The following C11orf21 variants were observed in gnomAD, a reference collection of about 807,000 sequenced individuals.
The protein encoded by C11orf21 is chromosome 11 open reading frame 21.
C11orf21 carries 19 observed loss-of-function variants against 15.2 expected under a neutral mutation model. The observed-to-expected ratio is 1.25, with a 90% confidence interval of 0.87 to 1.84. The LOEUF (loss-of-function observed/expected upper bound fraction) is 1.84, where lower values mean the gene tolerates loss of function less well. Ranked by LOEUF, C11orf21 falls within the 40% of genes most tolerant of loss-of-function variation. C11orf21 has a pLI of 0.00. For missense variants in C11orf21, 171 were observed against 174.4 expected (o/e 0.98, Z 0.11); for synonymous variants, 62 against 66.8 (o/e 0.93, Z 0.35).
chr11:2,297,318 G>C lies in C11orf21; in HGVS notation c.*632C>G, dbSNP rs907305432. 6.5e-6 allele frequency: 1 copy of C among 152,754 alleles called. No homozygotes were observed. Among genetic ancestry groups the C allele is most frequent in the Non-Finnish European group, 1.5e-5 (1 of 68,392 alleles). 9.5% of individuals were successfully genotyped at this position (152,754 alleles called of 1,614,324 possible). ...CCCTGTCCCACCTCCCACCTGCACGGCCTCCAGCATTGCCCAAATTCACTG... is the reference window on the plus strand; with the variant it reads ...CCCTGTCCCACCTCCCACCTGCACGCCCTCCAGCATTGCCCAAATTCACTG... On this transcript the variant is annotated 3_prime_UTR_variant, in exon 4 of 4. Coordinates refer to ENST00000381153, the MANE Select transcript of C11orf21 (RefSeq NM_001329958.2).
intron 3 of C11orf21, among the ~76,000 whole-genome samples, 160 bp from the exon 4 acceptor site, chr11:2,298,081 G>A (rs1468680911): frequency 1.3e-5 from 2 of 152,150 alleles, no homozygotes; most frequent in African/African-American, 4.8e-5. Flanking sequence ...TGCGGGGCAG[G>A]GCTTCAACCT....
chr11:2,301,687 A>G, intron 1 of C11orf21, 69 bp downstream of exon 1: 1 of 1,309,856 alleles, frequency 7.6e-7, no homozygotes, highest in Non-Finnish European at 1.0e-6. Context: ...GACCCCATCC[A>G]AATTCCTCCA....
chr11:2,302,771 T>C, upstream of C11orf21: 1 of 1,294,020 alleles, frequency 7.7e-7, no homozygotes, highest in Middle Eastern at 1.8e-4. Flanking sequence ...GCCCCAACCC[T>C]GCCCGCTGGG....
rs1482208869 is a variant in C11orf21 at position 2,299,480 on chromosome 11, C to T, written c.375G>A (p.Arg125=). 3 of 1,550,316 alleles carry T rather than the reference C, an allele frequency of 1.9e-6. No homozygotes were observed. In the African/African-American group the frequency reaches 4.1e-5, roughly 21 times the overall value. The stretch of plus-strand genomic sequence containing the variant: ...CTCAGGAAGGTAGAGGCTGCCACCT[C>T]CTGGCCCGAGGACACAGCTTTCCAG... The part of the protein sequence containing the change: ...PSSGKLCPRA[R]RWQPLPS The change falls in exon 3 of 4, where the codon AGG becomes AGA. Residue 125 remains arginine (R), a synonymous_variant. Coordinates refer to ENST00000381153, the MANE Select transcript of C11orf21 (RefSeq NM_001329958.2).
chr11:2,302,900 T>G (rs576767301), upstream of C11orf21: 20 of 1,613,704 alleles, frequency 1.2e-5, no homozygotes, highest in Non-Finnish European at 1.7e-5. Context: ...GGGCCCACTT[T>G]GCTGTCATCC....
intron 2 of C11orf21, 21 bp from the exon 3 acceptor site, chr11:2,299,728 A>G: frequency 6.5e-7 from 1 of 1,549,248 alleles, no homozygotes. Context: ...AGGACATTGT[A>G]GAGTGAGCGG....
At chr11:2,298,707 C>T (rs956200660) in intron 3 of C11orf21, among the ~76,000 whole-genome samples, 1 of 152,154 alleles carries the variant, frequency 6.6e-6, no homozygotes, top group African/African-American at 2.4e-5. Flanking sequence ...GGTGCCCGGC[C>T]CCACATACTA....
upstream of C11orf21, among the ~76,000 whole-genome samples, chr11:2,302,532 C>G (rs540966768): frequency 3.3e-5 from 5 of 152,280 alleles, no homozygotes; most frequent in African/African-American, 9.6e-5. Flanking sequence ...CTTCCTGCCC[C>G]GGAGGGTGCT....
chr11:2,302,146 C>T (rs750010162), upstream of C11orf21: 28 of 1,456,164 alleles, frequency 1.9e-5, no homozygotes, highest in South Asian at 2.5e-4. Flanking sequence ...GGAGAGGAAC[C>T]GTCATGGGGC....
At chr11:2,299,788 T>G in intron 2 of C11orf21, 81 bp from the exon 3 acceptor site, 12 of 1,511,644 alleles carry the variant, frequency 7.9e-6, no homozygotes, top group Non-Finnish European at 1.1e-5. Context: ...AAAAAGGAAG[T>G]CCCTGGCGGG....
At chr11:2,302,298 T>A (rs2074021), upstream of C11orf21, 1 of 1,282,150 alleles carries the variant, frequency 7.8e-7, no homozygotes, top group Non-Finnish European at 1.0e-6. Flanking sequence ...ACAGGGATTA[T>A]CCCTCCCCTG....
upstream of C11orf21, chr11:2,302,638 T>C (rs1219448372): frequency 3.4e-6 from 2 of 592,352 alleles, no homozygotes; most frequent in Non-Finnish European, 6.0e-6. Flanking sequence ...GCGTCTACCA[T>C]GTGGGGGTGC....
chr11:2,296,500 C>G lies in C11orf21; in HGVS notation c.*1450G>C, dbSNP rs1766952348. On this transcript the variant is annotated 3_prime_UTR_variant, in exon 4 of 4. Coordinates refer to ENST00000381153, the MANE Select transcript of C11orf21 (RefSeq NM_001329958.2). The surrounding 1 kb of genome is among the most constrained non-coding windows in gnomAD (Gnocchi z 5.6). ...TTAGAGTTAGAGTCCAGTAATCCCC[C>G]TGAGTCTGATGATCCCCCTTTCCAC... The G allele has an allele frequency of 6.6e-6, 1 of 152,290 alleles. No individual in the cohort carries two copies. Among genetic ancestry groups the G allele is most frequent in the Admixed American group, 6.5e-5 (1 of 15,284 alleles). The allele number at this position is 152,290 out of a possible 1,614,324, so 9.4% of individuals were successfully genotyped here. A position where few individuals can be genotyped will look rare whatever the true frequency, so the allele number is the denominator to read the frequency against.
chr11:2,300,561 C>T lies in C11orf21; in HGVS notation c.106G>A (p.Asp36Asn). The T allele has an allele frequency of 1.3e-6, 2 of 1,549,690 alleles. No homozygotes were observed. Among genetic ancestry groups the T allele is most frequent in the Non-Finnish European group, 8.7e-7 (1 of 1,146,592 alleles). The change falls in exon 2 of 4, where the codon GAC (aspartate) becomes AAC (asparagine). Residue 36 changes from aspartate (D) to asparagine (N), a missense_variant. Coordinates refer to ENST00000381153, the MANE Select transcript of C11orf21 (RefSeq NM_001329958.2). ...CAGCCGGGGGTTCCCGTCCACCTGT[C>T]AGGGGGTTCGACGCCACTTTGAGAT... Reference protein sequence around the residue: ...LSSQSGVEPPDRWTGTPGWPS... With the variant: ...LSSQSGVEPPNRWTGTPGWPS...
chr11:2,300,584 G>C lies in C11orf21; in HGVS notation c.83C>G (p.Ser28Cys), dbSNP rs751940343. ...GTCAGGGGGTTCGACGCCACTTTGA[G>C]ATGACAAGTGAGGCCACCTGGGCAC... ...SAVPRWPHLS[S>C]QSGVEPPDRW... is the part of the protein sequence containing the mutation. Residue 28 changes from serine to cysteine, a missense_variant, in exon 2 of 4, where the codon TCT (serine) becomes TGT (cysteine). Coordinates refer to ENST00000381153, the MANE Select transcript of C11orf21 (RefSeq NM_001329958.2). The C allele has an allele frequency of 7.1e-6, 11 of 1,550,060 alleles. No individual in the cohort carries two copies. The African/African-American group carries it at 1.1e-4, about 15-fold the overall frequency.
upstream of C11orf21, chr11:2,303,092 G>C (rs2234294): frequency 1.3e-3 from 1,031 of 778,154 alleles, 10 homozygotes; most frequent in African/African-American, 0.016. Context: ...TCAGGGGCAG[G>C]GAGGGGCTGC....
In C11orf21 at chr11:2,300,502, G is replaced by T; in HGVS notation, c.147+18C>A. 1.3e-6 allele frequency: 2 copies of T among 1,504,890 alleles called. No individual in the cohort carries two copies. Among genetic ancestry groups the T allele is most frequent in the East Asian group, 2.5e-5 (1 of 40,522 alleles). 93.2% of individuals were successfully genotyped at this position (1,504,890 alleles called of 1,614,324 possible). A position where few individuals can be genotyped will look rare whatever the true frequency, so the allele number is the denominator to read the frequency against. On this transcript the variant is annotated intron_variant, in intron 2 of 3. Coordinates refer to ENST00000381153, the MANE Select transcript of C11orf21 (RefSeq NM_001329958.2). ...TGCCCCCGCTGGTGGGGCACAGTGA[G>T]GGGGGCTGTGGTCAGACCTGGTCTC... is the stretch of plus-strand genomic sequence containing the variant.
Position 2,299,722 on chromosome 11 carries a change from C to T in C11orf21, c.148-15G>A. 1 of 1,549,644 alleles carries T rather than the reference C, an allele frequency of 6.5e-7. No individual in the cohort carries two copies. Reference sequence around the variant, plus strand: ...CCAGGGGCCTCCTGGTGGGTAAGGACATTGTAGAGTGAGCGGGCGCACCTG... The same window carrying T: ...CCAGGGGCCTCCTGGTGGGTAAGGATATTGTAGAGTGAGCGGGCGCACCTG... On this transcript the variant is annotated splice_polypyrimidine_tract_variant and intron_variant, in intron 2 of 3. Transcript: ENST00000381153.
In C11orf21 at chr11:2,297,563, T is replaced by G. The variant is rs1272708533; in HGVS notation, c.*387A>C. On this transcript the variant is annotated 3_prime_UTR_variant, in exon 4 of 4. Transcript: ENST00000381153. ...GGCCTGTGCTTCTGACCAGCACCGC[T>G]GGGGTTCTCAGGGCATCTACCCTTT... 6.6e-6 allele frequency: 1 copy of G among 152,330 alleles called. No individual in the cohort carries two copies. Among genetic ancestry groups the G allele is most frequent in the Non-Finnish European group, 1.5e-5 (1 of 68,108 alleles). 9.4% of individuals were successfully genotyped at this position (152,330 alleles called of 1,614,324 possible).
Sources: gnomAD v4.1 joint callset for allele counts (sites outside exome capture counted in the v4.1 genomes callset) on GRCh38, gnomAD v4.1.1 for gene constraint, Gnocchi (gnomAD v3.1) non-coding constraint, MANE v1.5 for transcripts, NCBI Gene and HGNC (gene_info 2026-07-23, HGNC 2026-07-21) for gene names.